Variants in PLEKHA7 observed in about 807,000 individuals in gnomAD.
PLEKHA7 encodes the protein pleckstrin homology domain containing A7.
PLEKHA7 carries 104 observed loss-of-function variants against 170.0 expected under a neutral mutation model. The ratio of observed to expected loss-of-function variants is 0.61; its 90% CI spans 0.52 to 0.72. The LOEUF is 0.72. Ranked by LOEUF, PLEKHA7 falls within the 30% of genes least tolerant of loss-of-function variation. The pLI is 0.00. For synonymous variants in PLEKHA7, 648 were observed against 660.8 expected, an observed-to-expected ratio of 0.98 and a Z score of 0.30; for missense variants, 1,615 against 1,671.7, an observed-to-expected ratio of 0.97 and a Z score of 0.59.
At chr11:16,877,015 C>T (rs2135742764) in intron 3 of PLEKHA7, among the ~76,000 whole-genome samples, 1 of 152,306 alleles carries the variant, frequency 6.6e-6, no homozygotes, top group East Asian at 1.9e-4. Context: ...TCCGTCAGCA[C>T]TAGCTCTTAT....
intron 26 of PLEKHA7, among the ~76,000 whole-genome samples, chr11:16,782,350 C>T (rs1460308791): frequency 6.6e-6 from 1 of 152,130 alleles, no homozygotes; most frequent in Non-Finnish European, 1.5e-5. Flanking sequence ...TCTGCCTTGC[C>T]CCAGCAAGAA....
At chr11:17,007,491 G>C (rs926989929) in intron 3 of PLEKHA7, among the ~76,000 whole-genome samples, 1 of 150,408 alleles carries the variant, frequency 6.6e-6, no homozygotes, top group Admixed American at 6.6e-5. Context: ...CCCATAAATA[G>C]CAATTTTATT....
chr11:16,792,477 A>G (rs1847929946), intron 19 of PLEKHA7, among the ~76,000 whole-genome samples: 1 of 152,060 alleles, frequency 6.6e-6, no homozygotes, highest in Non-Finnish European at 1.5e-5. Flanking sequence ...AATAGTATAT[A>G]GAATTATATA....
At chr11:16,993,824 A>G (rs1343242917) in intron 3 of PLEKHA7, among the ~76,000 whole-genome samples, 2 of 152,220 alleles carry the variant, frequency 1.3e-5, no homozygotes, top group Non-Finnish European at 2.9e-5. Flanking sequence ...AAAGGAAAAT[A>G]AGGCAATAGG....
intron 19 of PLEKHA7, among the ~76,000 whole-genome samples, chr11:16,793,281 C>T (rs1383363157): frequency 6.6e-6 from 1 of 152,256 alleles, no homozygotes; most frequent in African/African-American, 2.4e-5. Flanking sequence ...CTGCCCCAGA[C>T]ATTCCTGCTG....
chr11:16,991,876 G>A (rs558359270), intron 3 of PLEKHA7, among the ~76,000 whole-genome samples: 9 of 152,182 alleles, frequency 5.9e-5, no homozygotes, highest in Non-Finnish European at 8.8e-5. Flanking sequence ...TTGTCCAGGC[G>A]GCAGATGACA....
intron 13 of PLEKHA7, 68 bp downstream of exon 13, chr11:16,813,045 G>A (rs2134625328): frequency 1.4e-6 from 2 of 1,437,558 alleles, no homozygotes; most frequent in East Asian, 4.6e-5. Context: ...TTTGGGCTTG[G>A]CTCCAGTGAG....
intron 4 of PLEKHA7, among the ~76,000 whole-genome samples, chr11:16,857,910 G>C (rs1226191994): frequency 6.6e-6 from 1 of 152,140 alleles, no homozygotes; most frequent in Non-Finnish European, 1.5e-5. Context: ...GCAGAGACAG[G>C]GTTTCACCAT....
intron 9 of PLEKHA7, among the ~76,000 whole-genome samples, chr11:16,827,788 T>C (rs1414536938): frequency 1.3e-5 from 2 of 149,850 alleles, no homozygotes; most frequent in South Asian, 2.1e-4. Flanking sequence ...AACAAAGACG[T>C]TTACTTAGAT....
At chr11:16,872,729 T>C (rs1398762467) in intron 3 of PLEKHA7, among the ~76,000 whole-genome samples, 3 of 152,070 alleles carry the variant, frequency 2.0e-5, no homozygotes, top group African/African-American at 4.8e-5. Flanking sequence ...CTATGTTGCA[T>C]AGGCTGGTCT....
chr11:16,904,307 G>T (rs911140412), intron 3 of PLEKHA7, among the ~76,000 whole-genome samples: 1 of 152,036 alleles, frequency 6.6e-6, no homozygotes, highest in African/African-American at 2.4e-5. Flanking sequence ...TTTTTTTCAG[G>T]GTCAGTACTT....
At chr11:16,867,067 A>G (rs755542834) in intron 4 of PLEKHA7, among the ~76,000 whole-genome samples, 2 of 151,950 alleles carry the variant, frequency 1.3e-5, no homozygotes, top group African/African-American at 4.8e-5. Context: ...TGCAGCCCAG[A>G]GAATGGATGG....
chr11:16,928,182 C>T (rs1049441684), intron 3 of PLEKHA7, among the ~76,000 whole-genome samples: 1 of 152,268 alleles, frequency 6.6e-6, no homozygotes, highest in East Asian at 1.9e-4. Context: ...ACGGTTCACG[C>T]CTGTAATCCT....
intron 9 of PLEKHA7, among the ~76,000 whole-genome samples, chr11:16,836,935 T>C (rs985921835): frequency 6.6e-6 from 1 of 152,134 alleles, no homozygotes; most frequent in Non-Finnish European, 1.5e-5. Context: ...GCGATTCTCC[T>C]GCCTCAGCCT....
chr11:16,883,080 C>G (rs769198330), intron 3 of PLEKHA7, among the ~76,000 whole-genome samples: 1 of 152,172 alleles, frequency 6.6e-6, no homozygotes, highest in African/African-American at 2.4e-5. Flanking sequence ...AATCCAAGTC[C>G]AGATCTGCCT....
Position 16,781,757 on chromosome 11 carries a change from C to T in PLEKHA7, c.3793+997G>A, listed in dbSNP as rs574339462. ...TGGGGCCACAGCAAAGCTCTGATCT[C>T]CAGACAAGACTCCCCAGGCCCAGGC... On this transcript the variant is annotated intron_variant, in intron 26 of 26. Coordinates refer to ENST00000531066, the MANE Select transcript of PLEKHA7 (RefSeq NM_001329630.2). Among the ~76,000 whole-genome samples, 6 of 152,280 alleles carry T rather than the reference C, an allele frequency of 3.9e-5. No homozygotes were observed. The South Asian group carries it at 1.2e-3, about 32-fold the overall frequency.
chr11:16,993,233 G>A (rs923842053), intron 3 of PLEKHA7, among the ~76,000 whole-genome samples: 9 of 152,100 alleles, frequency 5.9e-5, no homozygotes, highest in Admixed American at 1.3e-4. Flanking sequence ...AGGAAAATAA[G>A]GCAGTAGGCC....
chr11:16,953,025 G>A (rs1861500472), intron 3 of PLEKHA7, among the ~76,000 whole-genome samples: 1 of 152,218 alleles, frequency 6.6e-6, no homozygotes, highest in Non-Finnish European at 1.5e-5. Flanking sequence ...TCCCCACCAA[G>A]GGGTCAGCCC....
Position 16,789,584 on chromosome 11 carries a change from C to T in PLEKHA7, c.3156+191G>A. On this transcript the variant is annotated intron_variant, in intron 22 of 26. Coordinates refer to ENST00000531066, the MANE Select transcript of PLEKHA7 (RefSeq NM_001329630.2). The surrounding 1 kb of genome is among the most constrained non-coding windows in gnomAD (Gnocchi z 4.6). ...GCTTCTTGAGCTCCCTCCTGCCACC[C>T]TGACAGGCCAGAGAGAAAGGCAGGA... 1.6e-6 allele frequency: 1 copy of T among 630,332 alleles called. No individual in the cohort carries two copies. Among genetic ancestry groups the T allele is most frequent in the Middle Eastern group, 4.3e-4 (1 of 2,332 alleles). The allele number at this position is 630,332 out of a possible 1,614,324, so 39.0% of individuals were successfully genotyped here. A position where few individuals can be genotyped will look rare whatever the true frequency, so the allele number is the denominator to read the frequency against.
Sources: allele counts gnomAD v4.1 joint callset (sites outside exome capture counted in the v4.1 genomes callset), GRCh38; gene constraint gnomAD v4.1.1; non-coding constraint Gnocchi (gnomAD v3.1); transcripts MANE v1.5; gene names NCBI Gene and HGNC (gene_info 2026-07-23, HGNC 2026-07-21).